MYO1D: variants seen among roughly 807,000 people sequenced by gnomAD.
MYO1D encodes the protein myosin ID.
In MYO1D, 83 loss-of-function variants were observed where a neutral mutation model predicts 122.0. The observed-to-expected ratio is 0.68, with a 90% CI of 0.57 to 0.82. The LOEUF (loss-of-function observed/expected upper bound fraction) is 0.82. MYO1D is among the 40% of genes least tolerant of loss of function. The pLI is 0.00. For missense variants in MYO1D, 1,157 were observed against 1,269.5 expected (o/e 0.91, Z 1.35); for synonymous variants, 464 against 446.9 (o/e 1.04, Z -0.48).
chr17:32,824,464 A>G (rs2090703895), intron 1 of MYO1D, among the ~76,000 whole-genome samples: 1 of 152,262 alleles, frequency 6.6e-6, no homozygotes, highest in Admixed American at 6.5e-5. Flanking sequence ...TAGTACCCAT[A>G]AAACTAACAG....
At chr17:32,563,148 T>C (rs2087140778) in intron 21 of MYO1D, among the ~76,000 whole-genome samples, 1 of 151,974 alleles carries the variant, frequency 6.6e-6, no homozygotes, top group South Asian at 2.1e-4. Flanking sequence ...ATGTTAACTA[T>C]TTATATATGT....
chr17:32,612,515 C>A (rs2150919634), intron 20 of MYO1D, among the ~76,000 whole-genome samples: 1 of 151,076 alleles, frequency 6.6e-6, no homozygotes, highest in East Asian at 2.0e-4. Context: ...AGCAAAAACC[C>A]CAGCTAAAAA....
intron 21 of MYO1D, among the ~76,000 whole-genome samples, chr17:32,559,497 A>G (rs796255476): frequency 2.6e-4 from 39 of 152,228 alleles, no homozygotes; most frequent in African/African-American, 8.9e-4. Context: ...CAAATAAGGC[A>G]CATGCTCAGC....
Position 32,801,374 on chromosome 17 carries a change from A to G in MYO1D, c.96-20590T>C, listed in dbSNP as rs964390007. 2.6e-5 allele frequency among the ~76,000 whole-genome samples: 4 copies of G among 152,244 alleles called. 1 individual carries two copies. Among genetic ancestry groups the G allele is most frequent in the Non-Finnish European group, 4.4e-5 (3 of 68,038 alleles). ...CGTGGCCAGTATATTTGGCAGAGAC[A>G]GGGCTGAGGATTCGGCTGGATCACT... On this transcript the variant is annotated intron_variant, in intron 1 of 21. Transcript: ENST00000318217.
chr17:32,499,775 ATGG>A (rs1465476125), intron 21 of MYO1D, among the ~76,000 whole-genome samples: 3 of 151,984 alleles, frequency 2.0e-5, no homozygotes, highest in Non-Finnish European at 4.4e-5. Flanking sequence ...CCTGGGCAAC[ATGG>A]TGAATTACTG....
chr17:32,584,112 C>T (rs2150902481), intron 21 of MYO1D, among the ~76,000 whole-genome samples: 1 of 152,176 alleles, frequency 6.6e-6, no homozygotes. Flanking sequence ...CTGTGTCCTA[C>T]CTTTTGGGGA....
intron 10 of MYO1D, among the ~76,000 whole-genome samples, chr17:32,756,978 A>C: frequency 6.6e-6 from 1 of 152,150 alleles, no homozygotes. Flanking sequence ...CATCTCAAAG[A>C]GGGGCAGCTT....
At chr17:32,517,088 A>G (rs139549333) in intron 21 of MYO1D, among the ~76,000 whole-genome samples, 3 of 152,338 alleles carry the variant, frequency 2.0e-5, no homozygotes, top group East Asian at 1.9e-4. Context: ...AGCTATCCCA[A>G]TGGGGACCTT....
intron 20 of MYO1D, among the ~76,000 whole-genome samples, chr17:32,637,451 A>C (rs2088118373): frequency 6.6e-6 from 1 of 152,204 alleles, no homozygotes; most frequent in Admixed American, 6.5e-5. Flanking sequence ...CGGGTGGATC[A>C]CTTGAGGCCA....
intron 16 of MYO1D, among the ~76,000 whole-genome samples, chr17:32,666,252 C>T (rs1325135904): frequency 6.6e-6 from 1 of 152,190 alleles, no homozygotes; most frequent in Non-Finnish European, 1.5e-5. Flanking sequence ...TACAGCCCTA[C>T]AGTCAGAACA....
At chr17:32,592,799 C>T (rs1404505420) in intron 21 of MYO1D, among the ~76,000 whole-genome samples, 1 of 152,160 alleles carries the variant, frequency 6.6e-6, no homozygotes, top group Non-Finnish European at 1.5e-5. Context: ...CTGGAAATGA[C>T]TGGAACCATA....
chr17:32,617,511 G>C (rs565325701), intron 20 of MYO1D, among the ~76,000 whole-genome samples: 105 of 152,264 alleles, frequency 6.9e-4, no homozygotes, highest in African/African-American at 2.5e-3. Context: ...CATGATCTCA[G>C]CTCACTGCAA....
chr17:32,617,672 C>T (rs2150923323), intron 20 of MYO1D, among the ~76,000 whole-genome samples: 1 of 152,298 alleles, frequency 6.6e-6, no homozygotes, highest in Non-Finnish European at 1.5e-5. Context: ...AACTCTTAGC[C>T]TCAGGTGATC....
rs139278628 is a variant in MYO1D, at chr17:32,549,403, C to T, written c.2865-54488G>A. 2.1e-3 allele frequency among the ~76,000 whole-genome samples: 314 copies of T among 152,280 alleles called. 2 individuals carry two copies. The highest frequency in any genetic ancestry group is 6.6e-3 in the African/African-American group (273 of 41,558). On this transcript the variant is annotated intron_variant, in intron 21 of 21. Transcript: ENST00000318217. ...GAGCCACTGCACCCTCCCTCTTAAT[C>T]GTTTGTTACAAATATAAACGTTAAA...
chr17:32,669,405 C>T (rs2088679403), intron 16 of MYO1D, among the ~76,000 whole-genome samples: 1 of 152,154 alleles, frequency 6.6e-6, no homozygotes, highest in Admixed American at 6.5e-5. Context: ...ATTTACTGGC[C>T]CTAGAATCCC....
At chr17:32,615,471 A>G (rs754827568) in intron 20 of MYO1D, among the ~76,000 whole-genome samples, 30 of 152,234 alleles carry the variant, frequency 2.0e-4, no homozygotes, top group Admixed American at 8.5e-4. Flanking sequence ...CTTGCTGTCT[A>G]TGAAAAAAAT....
chr17:32,775,067 G>A (rs1182058433), intron 4 of MYO1D, among the ~76,000 whole-genome samples: 2 of 152,176 alleles, frequency 1.3e-5, no homozygotes, highest in African/African-American at 4.8e-5. Context: ...TTGGGAGACT[G>A]AAGCAGGAGG....
chr17:32,548,579 G>A (rs1337824731), intron 21 of MYO1D, among the ~76,000 whole-genome samples: 9 of 152,148 alleles, frequency 5.9e-5, no homozygotes, highest in African/African-American at 7.2e-5. Context: ...CTGGCTCTAT[G>A]AGCATTTGGC....
At chr17:32,502,986 C>T (rs1220316703) in intron 21 of MYO1D, among the ~76,000 whole-genome samples, 9 of 152,164 alleles carry the variant, frequency 5.9e-5, no homozygotes, top group East Asian at 3.9e-4. Context: ...CTGTGGAATT[C>T]GGGGACTTTC....
Sources: gnomAD v4.1 joint callset for allele counts (sites outside exome capture counted in the v4.1 genomes callset) on GRCh38, gnomAD v4.1.1 for gene constraint, MANE v1.5 for transcripts, NCBI Gene and HGNC (gene_info 2026-07-23, HGNC 2026-07-21) for gene names.